ERC1: variants seen among roughly 807,000 people sequenced by gnomAD.
ERC1 encodes RAB6 interacting protein 2.
In ERC1, 56 loss-of-function variants were observed where a neutral mutation model predicts 132.0. The observed-to-expected ratio is 0.42, with a 90% CI of 0.34 to 0.53. The LOEUF is 0.53. Ranked by LOEUF, ERC1 falls within the 20% of genes least tolerant of loss-of-function variation. The pLI is 0.03. For synonymous variants in ERC1, 478 were observed against 476.1 expected, an observed-to-expected ratio of 1.00 and a Z score of -0.05; for missense variants, 1,202 against 1,349.9, an observed-to-expected ratio of 0.89 and a Z score of 1.72.
At chr12:1,288,934 T>C (rs146367846) in intron 14 of ERC1, among the ~76,000 whole-genome samples, 111 of 152,124 alleles carry the variant, frequency 7.3e-4, no homozygotes, top group African/African-American at 2.5e-3. Context: ...CTTACCTTGC[T>C]CTCTTAGTTT....
intron 17 of ERC1, among the ~76,000 whole-genome samples, chr12:1,420,445 T>TTTTATTTA (rs545953956): frequency 3.4e-4 from 51 of 150,768 alleles, no homozygotes; most frequent in African/African-American, 6.4e-4. Context: ...CTTTTTTTTA[T>TTTTATTTA]TTTATTTATT....
At chr12:1,358,523 G>A (rs1259427512) in intron 15 of ERC1, among the ~76,000 whole-genome samples, 3 of 152,132 alleles carry the variant, frequency 2.0e-5, no homozygotes, top group Non-Finnish European at 4.4e-5. Context: ...AAATCAGCTC[G>A]TCTTCCTCTA....
At position 1,408,180 on chromosome 12, in the gene ERC1, A is replaced by G. The variant is rs545884646; in HGVS notation, c.2957A>G (p.Asn986Ser). 1 of 1,614,046 alleles carries G rather than the reference A, an allele frequency of 6.2e-7. No homozygotes were observed. The highest frequency in any genetic ancestry group is 8.5e-7 in the Non-Finnish European group (1 of 1,179,954). The part of the protein sequence containing the change: ...TQNRMKLMAD[N>S]YEDDHFKSSH... The stretch of plus-strand genomic sequence containing the variant: ...AATCGAATGAAGCTAATGGCCGACA[A>G]CTACGAGGATGACCACTTCAAATCC... The change falls in exon 17 of 19, where the codon AAC (asparagine) becomes AGC (serine). Residue 986 changes from asparagine (N) to serine (S), a missense_variant. Physicochemically the swap from Asn to Ser is conservative, Grantham distance 46 (BLOSUM62 1). Transcript: ENST00000360905.
At chr12:1,138,050 T>C (rs1455124681) in intron 7 of ERC1, among the ~76,000 whole-genome samples, 1 of 117,050 alleles carries the variant, frequency 8.5e-6, no homozygotes, top group Non-Finnish European at 1.8e-5. Context: ...TAAAATACAA[T>C]TATATATAAT....
intron 15 of ERC1, among the ~76,000 whole-genome samples, chr12:1,349,332 T>A (rs2084778005): frequency 6.6e-6 from 1 of 152,218 alleles, no homozygotes; most frequent in African/African-American, 2.4e-5. Flanking sequence ...AATAGCTTTT[T>A]GTCCTAGCTA....
chr12:1,167,301 T>C (rs1008683955), intron 8 of ERC1, among the ~76,000 whole-genome samples: 8 of 152,288 alleles, frequency 5.3e-5, no homozygotes, highest in Admixed American at 1.3e-4. Context: ...GAGTCAATAT[T>C]TTCTTCTGCT....
chr12:1,034,980 T>C (rs1446636261), intron 2 of ERC1, among the ~76,000 whole-genome samples: 1 of 152,198 alleles, frequency 6.6e-6, no homozygotes, highest in Non-Finnish European at 1.5e-5. Context: ...ACACCAGTGC[T>C]GGCAGCGATG....
At chr12:1,356,821 A>G (rs530102036) in intron 15 of ERC1, among the ~76,000 whole-genome samples, 1 of 152,342 alleles carries the variant, frequency 6.6e-6, no homozygotes, top group South Asian at 2.1e-4. Flanking sequence ...CAGAATTTAC[A>G]TACCAGGTGT....
At chr12:1,462,371 G>T (rs1426436379) in intron 18 of ERC1, among the ~76,000 whole-genome samples, 1 of 152,150 alleles carries the variant, frequency 6.6e-6, no homozygotes, top group Non-Finnish European at 1.5e-5. Context: ...AAAAAGACTT[G>T]TACAAGAGTG....
intron 15 of ERC1, among the ~76,000 whole-genome samples, chr12:1,350,001 C>G (rs2084857918): frequency 1.3e-5 from 2 of 152,124 alleles, no homozygotes; most frequent in Non-Finnish European, 2.9e-5. Context: ...GGAGGGAAAC[C>G]AGGTTCACAG....
rs116693398 is a variant in ERC1 at position 1,318,671 on chromosome 12, T to A, written c.2780+28659T>A. 2.4e-3 allele frequency among the ~76,000 whole-genome samples: 365 copies of A among 152,284 alleles called. 2 individuals carry two copies. Among genetic ancestry groups the A allele is most frequent in the African/African-American group, 8.4e-3 (351 of 41,550 alleles). On this transcript the variant is annotated intron_variant, in intron 15 of 18. Coordinates refer to ENST00000360905, the MANE Select transcript of ERC1 (RefSeq NM_178040.4). ...CTGGAGAGGGCTCTTTTGTAGTGCG[T>A]AGGAAAATCAACATTAAGGTGTCAG...
chr12:1,284,998 C>T (rs1320724044), intron 14 of ERC1, among the ~76,000 whole-genome samples: 1 of 152,134 alleles, frequency 6.6e-6, no homozygotes, highest in East Asian at 1.9e-4. Context: ...TAACTTTTGG[C>T]TTTATTTTTA....
At chr12:1,040,473 A>AT (rs1281511399) in intron 2 of ERC1, among the ~76,000 whole-genome samples, 1 of 151,706 alleles carries the variant, frequency 6.6e-6, no homozygotes, top group Non-Finnish European at 1.5e-5. Context: ...TGCCCGGCTA[A>AT]TTTTTTGTAT....
At chr12:1,201,361 T>C (rs1484870636) in intron 12 of ERC1, among the ~76,000 whole-genome samples, 1 of 152,196 alleles carries the variant, frequency 6.6e-6, no homozygotes, top group Non-Finnish European at 1.5e-5. Flanking sequence ...ATTCAAAGAG[T>C]GAATAAAATT....
At chr12:1,402,367 TAAAA>T (rs1345951572) in intron 16 of ERC1, among the ~76,000 whole-genome samples, 1 of 151,946 alleles carries the variant, frequency 6.6e-6, no homozygotes, top group Non-Finnish European at 1.5e-5. Flanking sequence ...CCGTCTCTAC[TAAAA>T]ATACAAAAGT....
At chr12:1,426,791 C>T (rs572880507) in intron 17 of ERC1, among the ~76,000 whole-genome samples, 1 of 152,246 alleles carries the variant, frequency 6.6e-6, no homozygotes. Flanking sequence ...GTCTTTGTAC[C>T]TCTAAATTCA....
At chr12:1,118,383 C>T (rs1170327753) in intron 7 of ERC1, among the ~76,000 whole-genome samples, 3 of 152,112 alleles carry the variant, frequency 2.0e-5, no homozygotes, top group Non-Finnish European at 4.4e-5. Context: ...TTCTTATTAG[C>T]CAGGTCTCAC....
chr12:1,296,019 A>AAAC (rs1362981224), intron 15 of ERC1, among the ~76,000 whole-genome samples: 2 of 150,462 alleles, frequency 1.3e-5, no homozygotes, highest in South Asian at 2.1e-4. Context: ...AGAAAAAAAA[A>AAAC]AAAAAAACAA....
At chr12:1,476,702 A>G (rs867581101) in intron 18 of ERC1, among the ~76,000 whole-genome samples, 3 of 152,156 alleles carry the variant, frequency 2.0e-5, no homozygotes, top group Middle Eastern at 3.2e-3. Context: ...CAGTACAGCT[A>G]TTCTAGAATG....
Sources: gnomAD v4.1 joint callset for allele counts (sites outside exome capture counted in the v4.1 genomes callset) on GRCh38, gnomAD v4.1.1 for gene constraint, MANE v1.5 for transcripts, NCBI Gene and HGNC (gene_info 2026-07-23, HGNC 2026-07-21) for gene names.